The following LRP1B variants were observed in gnomAD, a reference collection of about 807,000 sequenced individuals.
LRP1B encodes the protein low-density lipoprotein receptor-related protein 1B.
A neutral mutation model predicts 556.6 loss-of-function variants in LRP1B; 217 were observed. That is an observed-to-expected ratio of 0.39 (90% CI 0.35 to 0.44). LRP1B has a LOEUF of 0.44. LRP1B is among the 20% of genes least tolerant of loss of function. The pLI is 1.00. For missense variants in LRP1B, 5,053 were observed against 5,620.8 expected, an observed-to-expected ratio of 0.90 and a Z score of 3.23; for synonymous variants, 2,047 against 1,865.8, an observed-to-expected ratio of 1.10 and a Z score of -2.50.
At chr2:141,575,561 AT>A (rs1290081797) in intron 2 of LRP1B, among the ~76,000 whole-genome samples, 3 of 152,246 alleles carry the variant, frequency 2.0e-5, no homozygotes, top group African/African-American at 7.2e-5. Flanking sequence ...CATGACAAAA[AT>A]GCCAAAAGCA....
At chr2:141,507,860 T>C (rs1044233255) in intron 2 of LRP1B, among the ~76,000 whole-genome samples, 4 of 151,896 alleles carry the variant, frequency 2.6e-5, no homozygotes, top group Admixed American at 1.3e-4. Flanking sequence ...CCGAGGTGGA[T>C]GGATCACCTG....
At chr2:140,711,549 C>T (rs1559070203) in intron 37 of LRP1B, among the ~76,000 whole-genome samples, 2 of 151,336 alleles carry the variant, frequency 1.3e-5, no homozygotes, top group South Asian at 4.2e-4. Context: ...CTTTTTGGTA[C>T]ATGTTTTCTT....
intron 67 of LRP1B, 94 bp downstream of exon 67, chr2:140,385,799 G>A: frequency 1.2e-6 from 1 of 818,026 alleles, no homozygotes; most frequent in Admixed American, 2.0e-5. Flanking sequence ...CATAAGACAG[G>A]TTCAAATTTA....
intron 2 of LRP1B, among the ~76,000 whole-genome samples, chr2:141,642,262 C>A (rs1286037506): frequency 1.3e-5 from 2 of 152,096 alleles, no homozygotes; most frequent in African/African-American, 4.8e-5. Context: ...AGTAACAATT[C>A]ATTTACCTCT....
intron 7 of LRP1B, among the ~76,000 whole-genome samples, chr2:141,155,477 TTTA>T (rs1419467362): frequency 7.3e-5 from 4 of 54,974 alleles, no homozygotes; most frequent in East Asian, 2.4e-4. Context: ...TTTTTTTCTT[TTTA>T]TTATTATTTT....
chr2:141,314,906 A>G (rs2105457407), intron 3 of LRP1B, among the ~76,000 whole-genome samples: 1 of 146,398 alleles, frequency 6.8e-6, no homozygotes, highest in Non-Finnish European at 1.5e-5. Context: ...ATATATATAT[A>G]TATACACATA....
intron 3 of LRP1B, among the ~76,000 whole-genome samples, chr2:141,373,884 AG>A (rs527988950): frequency 5.3e-5 from 8 of 151,678 alleles, no homozygotes; most frequent in Non-Finnish European, 1.0e-4. Context: ...TGATTTGATG[AG>A]ATTCTGTCAT....
At chr2:140,986,200 A>C (rs1316636492) in intron 17 of LRP1B, among the ~76,000 whole-genome samples, 2 of 151,540 alleles carry the variant, frequency 1.3e-5, no homozygotes, top group Non-Finnish European at 2.9e-5. Context: ...TCGTTCAGTT[A>C]TTTTAATTAT....
chr2:140,425,144 C>A (rs1409997888), intron 66 of LRP1B, among the ~76,000 whole-genome samples: 1 of 151,882 alleles, frequency 6.6e-6, no homozygotes, highest in African/African-American at 2.4e-5. Flanking sequence ...TTTATCATTG[C>A]TCTCAAATGT....
At chr2:141,969,125 A>T (rs1434717339) in intron 1 of LRP1B, among the ~76,000 whole-genome samples, 3 of 149,064 alleles carry the variant, frequency 2.0e-5, no homozygotes, top group Admixed American at 6.7e-5. Flanking sequence ...TTTTTTTTTT[A>T]AAGCTATACA....
Position 141,744,740 on chromosome 2 carries a change from T to C in LRP1B, c.205+65539A>G, listed in dbSNP as rs556218856. On this transcript the variant is annotated intron_variant, in intron 2 of 90. Coordinates refer to ENST00000389484, the MANE Select transcript of LRP1B (RefSeq NM_018557.3). ...TGAGGTCATGTTTTCCTGGATGGTCTTGATGCTTGTGCATGTTCATTGTTG... is the reference window on the plus strand; with the variant it reads ...TGAGGTCATGTTTTCCTGGATGGTCCTGATGCTTGTGCATGTTCATTGTTG... Among the ~76,000 whole-genome samples the C allele has an allele frequency of 6.6e-5, 10 of 152,322 alleles. No homozygotes were observed. In the South Asian group the frequency reaches 1.2e-3, roughly 19 times the overall value.
chr2:141,449,199 C>T (rs1352741888), intron 3 of LRP1B, among the ~76,000 whole-genome samples: 1 of 152,178 alleles, frequency 6.6e-6, no homozygotes, highest in East Asian at 1.9e-4. Context: ...TAAGACTAAT[C>T]TGCGCTATAA....
intron 2 of LRP1B, among the ~76,000 whole-genome samples, chr2:141,684,898 C>A (rs1379302824): frequency 6.6e-6 from 1 of 151,956 alleles, no homozygotes; most frequent in Non-Finnish European, 1.5e-5. Flanking sequence ...GATGGAAAAG[C>A]CTAACACAAC....
At chr2:140,590,651 T>C (rs979126270) in intron 43 of LRP1B, among the ~76,000 whole-genome samples, 1 of 151,830 alleles carries the variant, frequency 6.6e-6, no homozygotes, top group African/African-American at 2.4e-5. Context: ...AAGATGACCA[T>C]CCATAAGCCA....
chr2:141,162,608 G>A (rs990593476), intron 7 of LRP1B, among the ~76,000 whole-genome samples: 2 of 151,902 alleles, frequency 1.3e-5, no homozygotes, highest in African/African-American at 4.8e-5. Context: ...CTTGCAAATA[G>A]GATAAAATCT....
chr2:141,733,939 T>C (rs1366047904), intron 2 of LRP1B, among the ~76,000 whole-genome samples: 2 of 152,132 alleles, frequency 1.3e-5, no homozygotes, highest in Non-Finnish European at 2.9e-5. Context: ...CTTATTACTG[T>C]ATATACCTGC....
chr2:141,820,505 C>T (rs1696717837), intron 1 of LRP1B, among the ~76,000 whole-genome samples: 1 of 152,136 alleles, frequency 6.6e-6, no homozygotes, highest in Non-Finnish European at 1.5e-5. Flanking sequence ...TGGTATCACT[C>T]ATCTATGATA....
chr2:140,726,667 C>A (rs1687605297), intron 35 of LRP1B, among the ~76,000 whole-genome samples: 2 of 152,232 alleles, frequency 1.3e-5, no homozygotes, highest in South Asian at 4.1e-4. Flanking sequence ...TGATTTTCTT[C>A]TTTTAAATTA....
intron 3 of LRP1B, among the ~76,000 whole-genome samples, chr2:141,387,080 TAA>T (rs1689858501): frequency 6.6e-6 from 1 of 151,940 alleles, no homozygotes; most frequent in South Asian, 2.1e-4. Flanking sequence ...TGTAGAAATT[TAA>T]AAAGACTTTA....
Sources: gnomAD v4.1 joint callset for allele counts (sites outside exome capture counted in the v4.1 genomes callset) on GRCh38, gnomAD v4.1.1 for gene constraint, MANE v1.5 for transcripts, NCBI Gene and HGNC (gene_info 2026-07-23, HGNC 2026-07-21) for gene names.